Variants in STK24 observed in about 807,000 individuals in gnomAD.
STK24 encodes serine/threonine-protein kinase 24.
Under a neutral mutation model 55.6 loss-of-function variants are expected in STK24, and 21 were observed. The observed-to-expected ratio is 0.38, with a 90% CI of 0.27 to 0.54. The LOEUF (loss-of-function observed/expected upper bound fraction) is 0.54. STK24 is among the 20% of genes least tolerant of loss of function. The pLI, the probability that STK24 is intolerant of heterozygous loss-of-function variation, is 0.79. For synonymous variants in STK24, 200 were observed against 215.2 expected (o/e 0.93, Z 0.62); for missense variants, 383 against 538.4 (o/e 0.71, Z 2.86).
intron 1 of STK24, among the ~76,000 whole-genome samples, chr13:98,536,355 T>C (rs1896735582): frequency 1.3e-5 from 2 of 149,840 alleles, no homozygotes; most frequent in South Asian, 4.2e-4. Context: ...ATATTCTTCT[T>C]CTATCTTTTT....
At position 98,555,269 on chromosome 13, in the gene STK24, T is replaced by C. The variant is rs74242975; in HGVS notation, c.42+21476A>G. 6.1e-4 allele frequency among the ~76,000 whole-genome samples: 93 copies of C among 152,110 alleles called. No homozygotes were observed. The East Asian group carries it at 0.016, about 26-fold the overall frequency. On this transcript the variant is annotated intron_variant, in intron 1 of 10. Coordinates refer to ENST00000539966, the MANE Select transcript of STK24 (RefSeq NM_001032296.4). ...CTTCCAGGCAGCACACACAACCCTA[T>C]TGTTGGATAACCATGTTTAAACTCA...
chr13:98,479,854 C>A (rs909893097), intron 3 of STK24, among the ~76,000 whole-genome samples: 3 of 152,116 alleles, frequency 2.0e-5, no homozygotes, highest in South Asian at 2.1e-4. Context: ...TGAGAGCAGG[C>A]CAACAGAAAA....
At chr13:98,473,792 C>G (rs529023062) in intron 5 of STK24, among the ~76,000 whole-genome samples, 2 of 152,256 alleles carry the variant, frequency 1.3e-5, no homozygotes, top group Non-Finnish European at 2.9e-5. Context: ...GAACCAGGTA[C>G]GCCTGCAACT....
intron 1 of STK24, among the ~76,000 whole-genome samples, chr13:98,572,847 T>C (rs1037431498): frequency 1.3e-5 from 2 of 152,206 alleles, no homozygotes; most frequent in African/African-American, 4.8e-5. Flanking sequence ...ACATGTGACG[T>C]ATATAATTCA....
chr13:98,449,048 T>TGTCA lies in STK24; in HGVS notation c.*4121_*4124dup, dbSNP rs1418185826. On this transcript the variant is annotated 3_prime_UTR_variant, in exon 11 of 11. Transcript: ENST00000539966. The stretch of plus-strand genomic sequence containing the variant: ...CCGAGATCCAGTGCAATACCTGGAC[T>TGTCA]GTCACCGTCCTGTGAGTGGTGTACA... The TGTCA allele has an allele frequency of 6.6e-6, 1 of 152,234 alleles. No homozygotes were observed. The highest frequency in any genetic ancestry group is 2.4e-5 in the African/African-American group (1 of 41,446). The allele number at this position is 152,234 out of a possible 1,614,324, so 9.4% of individuals were successfully genotyped here.
chr13:98,569,421 A>AAC (rs549039790), intron 1 of STK24, among the ~76,000 whole-genome samples: 2 of 143,522 alleles, frequency 1.4e-5, no homozygotes, highest in Non-Finnish European at 3.1e-5. Flanking sequence ...GACAAAAAAA[A>AAC]AAAAACAAAA....
chr13:98,558,024 G>A (rs562237018), intron 1 of STK24, among the ~76,000 whole-genome samples: 15 of 151,972 alleles, frequency 9.9e-5, no homozygotes, highest in South Asian at 2.1e-4. Context: ...CCTCCTCTGC[G>A]CTACTTCTGA....
chr13:98,503,379 A>G (rs1309472578), intron 2 of STK24, among the ~76,000 whole-genome samples: 1 of 152,312 alleles, frequency 6.6e-6, no homozygotes, highest in Middle Eastern at 3.4e-3. Flanking sequence ...AAAAAGTAAT[A>G]CCAAACTTGG....
intron 2 of STK24, among the ~76,000 whole-genome samples, chr13:98,484,890 A>AT (rs1430071776): frequency 1.3e-5 from 2 of 152,090 alleles, no homozygotes; most frequent in Non-Finnish European, 2.9e-5. Flanking sequence ...CCTCCAACTC[A>AT]TTCCTGGTAG....
At chr13:98,486,438 A>AAC (rs1404107089) in intron 2 of STK24, among the ~76,000 whole-genome samples, 1 of 152,310 alleles carries the variant, frequency 6.6e-6, no homozygotes, top group East Asian at 1.9e-4. Context: ...TTCAAAGGTG[A>AAC]ACACACGGAT....
At position 98,481,826 on chromosome 13, in the gene STK24, T is replaced by C. The variant is rs181444627; in HGVS notation, c.330+439A>G. ...CACTTTGGGAGGCTGAGAGCGGGGA[T>C]CACTCGAGGTCAGGAGTTTGAGACC... On this transcript the variant is annotated intron_variant, in intron 3 of 10. Transcript: ENST00000539966. Among the ~76,000 whole-genome samples, 89 of 152,232 alleles carry C rather than the reference T, an allele frequency of 5.8e-4. 1 individual carries two copies. The East Asian group carries it at 0.015, about 25-fold the overall frequency.
chr13:98,463,756 G>A lies in STK24; in HGVS notation c.864C>T (p.Ile288=), dbSNP rs1219115506. The part of the protein sequence containing the change: ...AKKTSYLTEL[I]DRYKRWKAEQ... Reference sequence around the variant, plus strand: ...CGGCCTTCCATCTCTTGTACCTGTCGATGAGCTCGGTCAAGTAGGAAGTTT... The same window carrying A: ...CGGCCTTCCATCTCTTGTACCTGTCAATGAGCTCGGTCAAGTAGGAAGTTT... Residue 288 remains isoleucine (I), a synonymous_variant, in exon 7 of 11, where the codon ATC becomes ATT. Coordinates refer to ENST00000539966, the MANE Select transcript of STK24 (RefSeq NM_001032296.4). 19 of 1,614,160 alleles carry A rather than the reference G, an allele frequency of 1.2e-5. No individual in the cohort carries two copies. The highest frequency in any genetic ancestry group is 2.7e-5 in the African/African-American group (2 of 75,046).
intron 2 of STK24, among the ~76,000 whole-genome samples, chr13:98,512,965 A>G (rs1436063587): frequency 6.6e-6 from 1 of 152,226 alleles, no homozygotes; most frequent in Non-Finnish European, 1.5e-5. Flanking sequence ...ACACTTATGT[A>G]ATCAGTCCCT....
At chr13:98,510,106 C>T (rs536911776) in intron 2 of STK24, among the ~76,000 whole-genome samples, 16 of 152,266 alleles carry the variant, frequency 1.1e-4, no homozygotes, top group South Asian at 6.2e-4. Context: ...ACCCTCCATC[C>T]GAAGAACCAA....
intron 2 of STK24, among the ~76,000 whole-genome samples, chr13:98,493,513 C>A (rs1273927817): frequency 6.6e-6 from 1 of 152,160 alleles, no homozygotes; most frequent in African/African-American, 2.4e-5. Context: ...CCCCATCCAT[C>A]TTCATTAAAG....
chr13:98,498,102 T>C (rs1187395200), intron 2 of STK24, among the ~76,000 whole-genome samples: 2 of 152,248 alleles, frequency 1.3e-5, no homozygotes, highest in Non-Finnish European at 2.9e-5. Context: ...ATGCTAATGA[T>C]GTTGTGTCCA....
chr13:98,569,815 G>A (rs1444879052), intron 1 of STK24, among the ~76,000 whole-genome samples: 9 of 149,494 alleles, frequency 6.0e-5, no homozygotes, highest in Admixed American at 4.7e-4. Context: ...ATCCTCATCC[G>A]CAGGGTCCAA....
chr13:98,473,707 G>A (rs1235465563), intron 5 of STK24, among the ~76,000 whole-genome samples: 2 of 152,208 alleles, frequency 1.3e-5, no homozygotes, highest in Non-Finnish European at 2.9e-5. Context: ...GGCTGTCAAG[G>A]CCATCATAGT....
intron 2 of STK24, among the ~76,000 whole-genome samples, chr13:98,499,661 GT>G (rs1204865184): frequency 6.6e-6 from 1 of 152,144 alleles, no homozygotes; most frequent in Non-Finnish European, 1.5e-5. Context: ...CTAGAAGAGT[GT>G]TCCAAGAGTA....
Sources: gnomAD v4.1 joint callset for allele counts (sites outside exome capture counted in the v4.1 genomes callset) on GRCh38, gnomAD v4.1.1 for gene constraint, MANE v1.5 for transcripts, NCBI Gene and HGNC (gene_info 2026-07-23, HGNC 2026-07-21) for gene names.